The following LIPI variants were observed in gnomAD, a reference collection of about 807,000 sequenced individuals.
The protein encoded by LIPI is lipase I.
A neutral mutation model predicts 50.6 loss-of-function variants in LIPI; 59 were observed. That is an observed-to-expected ratio of 1.16 (90% CI 0.94 to 1.45). The LOEUF is 1.45. LIPI is among the 40% of genes most tolerant of loss of function. LIPI has a pLI of 0.00. For missense variants in LIPI, 586 were observed against 536.3 expected, an observed-to-expected ratio of 1.09 and a Z score of -0.92; for synonymous variants, 203 against 178.2, an observed-to-expected ratio of 1.14 and a Z score of -1.11.
intron 9 of LIPI, among the ~76,000 whole-genome samples, chr21:14,139,177 G>A (rs1332023556): frequency 6.6e-6 from 1 of 151,892 alleles, no homozygotes; most frequent in Non-Finnish European, 1.5e-5. Context: ...TTTCCAAATT[G>A]TATACTATAC....
chr21:14,140,915 C>G (rs1335870114), intron 9 of LIPI, among the ~76,000 whole-genome samples: 1 of 152,082 alleles, frequency 6.6e-6, no homozygotes, highest in Non-Finnish European at 1.5e-5. Context: ...CAACATCTAC[C>G]TTAGATTTTG....
chr21:14,111,739 T>C (rs1252527192), intron 9 of LIPI, among the ~76,000 whole-genome samples: 2 of 152,146 alleles, frequency 1.3e-5, no homozygotes, highest in Non-Finnish European at 2.9e-5. Context: ...GATTTTAGTC[T>C]TTAGTCCATT....
chr21:14,174,604 A>T (rs2019030978), intron 4 of LIPI, among the ~76,000 whole-genome samples: 1 of 151,846 alleles, frequency 6.6e-6, no homozygotes, highest in African/African-American at 2.4e-5. Flanking sequence ...CCCAGGCTGG[A>T]GTGCAATGGC....
At chr21:14,140,370 G>A (rs570209030) in intron 9 of LIPI, among the ~76,000 whole-genome samples, 4 of 152,116 alleles carry the variant, frequency 2.6e-5, no homozygotes, top group East Asian at 1.9e-4. Flanking sequence ...CAACTAGAAC[G>A]TATTTTAAAA....
At chr21:14,136,691 T>C (rs1469608937) in intron 9 of LIPI, among the ~76,000 whole-genome samples, 2 of 152,258 alleles carry the variant, frequency 1.3e-5, no homozygotes, top group African/African-American at 4.8e-5. Context: ...GGCCACCTGC[T>C]GATTGTAGAA....
At chr21:14,201,229 C>T (rs550182204) in intron 1 of LIPI, among the ~76,000 whole-genome samples, 7 of 151,992 alleles carry the variant, frequency 4.6e-5, no homozygotes, top group East Asian at 1.9e-4. Flanking sequence ...AGACACCAAA[C>T]GCAATTGCAA....
At chr21:14,114,292 CAT>C (rs2016537009) in intron 9 of LIPI, among the ~76,000 whole-genome samples, 1 of 152,112 alleles carries the variant, frequency 6.6e-6, no homozygotes, top group Admixed American at 6.5e-5. Flanking sequence ...CCTCTCATGA[CAT>C]GTGGGGATTA....
intron 4 of LIPI, among the ~76,000 whole-genome samples, chr21:14,180,429 C>A (rs1442084458): frequency 6.6e-6 from 1 of 152,182 alleles, no homozygotes; most frequent in African/African-American, 2.4e-5. Context: ...GATGTCACCC[C>A]TGGTGGACCA....
At chr21:14,150,225 A>G (rs1296651787) in intron 8 of LIPI, among the ~76,000 whole-genome samples, 4 of 152,188 alleles carry the variant, frequency 2.6e-5, no homozygotes, top group African/African-American at 4.8e-5. Context: ...CCATGATTCA[A>G]TTATCTCAAC....
At chr21:14,202,302 T>C (rs1156918541) in intron 1 of LIPI, among the ~76,000 whole-genome samples, 2 of 152,190 alleles carry the variant, frequency 1.3e-5, no homozygotes, top group Non-Finnish European at 2.9e-5. Context: ...AAGCTACCAA[T>C]GACTTTCTTC....
intron 2 of LIPI, among the ~76,000 whole-genome samples, chr21:14,188,587 A>G (rs905698330): frequency 1.1e-3 from 165 of 151,318 alleles, no homozygotes; most frequent in African/African-American, 3.8e-3. Context: ...AAAAAAAAAA[A>G]AAAGATTTTT....
intron 1 of LIPI, among the ~76,000 whole-genome samples, chr21:14,194,063 G>A (rs1402290827): frequency 1.3e-5 from 2 of 152,008 alleles, no homozygotes; most frequent in Non-Finnish European, 2.9e-5. Flanking sequence ...ACTAATAATT[G>A]GGGAAACAGA....
At chr21:14,190,153 A>G (rs1190865134) in intron 1 of LIPI, among the ~76,000 whole-genome samples, 1 of 152,164 alleles carries the variant, frequency 6.6e-6, no homozygotes, top group African/African-American at 2.4e-5. Context: ...ACTATTAACT[A>G]TCTATCTATA....
chr21:14,146,772 ATTTTTTTTT>A (rs3048482), intron 8 of LIPI, among the ~76,000 whole-genome samples: 43 of 73,382 alleles, frequency 5.9e-4, no homozygotes, highest in Middle Eastern at 0.01. Context: ...CCCAGTCTCT[ATTTTTTTTT>A]TTTTTTTTTT....
At chr21:14,188,567 CAAA>C (rs577516831) in intron 2 of LIPI, among the ~76,000 whole-genome samples, 143 of 65,948 alleles carry the variant, frequency 2.2e-3, no homozygotes, top group East Asian at 8.0e-3. Context: ...GAACCTGTCT[CAAA>C]AAAAAAAAAA....
chr21:14,183,505 C>T (rs1388386720), intron 3 of LIPI, among the ~76,000 whole-genome samples: 1 of 152,088 alleles, frequency 6.6e-6, no homozygotes, highest in Non-Finnish European at 1.5e-5. Flanking sequence ...AGCTTCTGCA[C>T]AGCAAAAGAA....
intron 8 of LIPI, among the ~76,000 whole-genome samples, chr21:14,147,802 CA>C (rs1260600716): frequency 6.6e-6 from 1 of 152,114 alleles, no homozygotes; most frequent in Non-Finnish European, 1.5e-5. Context: ...ACCATGCAAA[CA>C]CACAACATGT....
chr21:14,133,305 T>C (rs757063466), intron 9 of LIPI, among the ~76,000 whole-genome samples: 1 of 152,234 alleles, frequency 6.6e-6, no homozygotes, highest in Non-Finnish European at 1.5e-5. Flanking sequence ...ATGTGGGATT[T>C]ATTGCAGGGA....
intron 1 of LIPI, among the ~76,000 whole-genome samples, chr21:14,204,189 T>A (rs575974817): frequency 5.3e-5 from 8 of 152,042 alleles, no homozygotes; most frequent in African/African-American, 1.9e-4. Context: ...AATTCAAAAA[T>A]TTTCAGTTAT....
Sources: gnomAD v4.1 joint callset for allele counts (sites outside exome capture counted in the v4.1 genomes callset) on GRCh38, gnomAD v4.1.1 for gene constraint, MANE v1.5 for transcripts, NCBI Gene and HGNC (gene_info 2026-07-23, HGNC 2026-07-21) for gene names.